Variants in NWD2 observed in about 807,000 individuals in gnomAD.
The protein encoded by NWD2 is NACHT and WD repeat domain-containing protein 2.
NWD2 carries 37 observed loss-of-function variants against 132.7 expected under a neutral mutation model. That is an observed-to-expected ratio of 0.28 (90% confidence interval 0.21 to 0.37). The LOEUF (loss-of-function observed/expected upper bound fraction) is 0.37. NWD2 is among the 10% of genes least tolerant of loss of function. NWD2 has a pLI of 1.00. For synonymous variants in NWD2, 705 were observed against 803.0 expected, an observed-to-expected ratio of 0.88 and a Z score of 2.06; for missense variants, 1,592 against 2,122.4, an observed-to-expected ratio of 0.75 and a Z score of 4.91.
chr4:37,372,945 C>T (rs559396628), intron 3 of NWD2, among the ~76,000 whole-genome samples: 3 of 152,276 alleles, frequency 2.0e-5, no homozygotes, highest in South Asian at 4.1e-4. Flanking sequence ...CTCCCAGCTT[C>T]GTATTGAACT....
At chr4:37,273,259 G>C (rs1897967) in intron 1 of NWD2, among the ~76,000 whole-genome samples, 26,517 of 151,338 alleles carry the variant, frequency 0.18, 2,671 homozygotes, top group South Asian at 0.32. Flanking sequence ...GATAAGAAGT[G>C]AGCCCTTCAG....
intron 3 of NWD2, among the ~76,000 whole-genome samples, chr4:37,372,616 A>G (rs1238818030): frequency 1.3e-5 from 2 of 152,208 alleles, no homozygotes; most frequent in African/African-American, 4.8e-5. Context: ...TAGTAACTCA[A>G]CGTTTTAATA....
At chr4:37,252,480 C>T (rs1411916462) in intron 1 of NWD2, among the ~76,000 whole-genome samples, 2 of 152,160 alleles carry the variant, frequency 1.3e-5, no homozygotes, top group Non-Finnish European at 2.9e-5. Context: ...TTATCTATTG[C>T]TATGTATCTA....
intron 2 of NWD2, among the ~76,000 whole-genome samples, chr4:37,347,707 A>G (rs1719663562): frequency 6.6e-6 from 1 of 152,190 alleles, no homozygotes; most frequent in Non-Finnish European, 1.5e-5. Context: ...TGTTATAATT[A>G]TTACTTTATA....
chr4:37,255,629 T>C (rs776483748), intron 1 of NWD2, among the ~76,000 whole-genome samples: 75 of 152,218 alleles, frequency 4.9e-4, no homozygotes, highest in Admixed American at 4.6e-4. Flanking sequence ...CTTTCTGAAG[T>C]GGGGACTTGT....
intron 2 of NWD2, among the ~76,000 whole-genome samples, chr4:37,339,950 GGTT>G (rs1350378396): frequency 6.8e-6 from 1 of 147,424 alleles, no homozygotes; most frequent in East Asian, 2.0e-4. Flanking sequence ...TTCTGTTTCT[GGTT>G]GTTTTTTTTT....
At chr4:37,281,609 G>A (rs903770202) in intron 1 of NWD2, among the ~76,000 whole-genome samples, 5 of 151,952 alleles carry the variant, frequency 3.3e-5, no homozygotes, top group Admixed American at 6.6e-5. Context: ...TGTGAGATTC[G>A]TCCTGTTAGC....
chr4:37,377,364 A>G (rs1577683993), intron 3 of NWD2, among the ~76,000 whole-genome samples: 1 of 152,326 alleles, frequency 6.6e-6, no homozygotes, highest in East Asian at 1.9e-4. Context: ...TTCACTCATA[A>G]GGTTTTATGA....
At chr4:37,246,508 G>A (rs940289099) in intron 1 of NWD2, among the ~76,000 whole-genome samples, 7 of 152,258 alleles carry the variant, frequency 4.6e-5, no homozygotes, top group Admixed American at 4.6e-4. Flanking sequence ...ACTTAAGGAG[G>A]CTTTTAGGAT....
At chr4:37,415,734 C>G (rs1711578972) in intron 3 of NWD2, among the ~76,000 whole-genome samples, 1 of 148,788 alleles carries the variant, frequency 6.7e-6, no homozygotes, top group Non-Finnish European at 1.5e-5. Context: ...GCAAAAGATA[C>G]TTAATATCCA....
In NWD2 at chr4:37,446,358, G is replaced by C. The variant is rs1712635309; in HGVS notation, c.4370G>C (p.Ser1457Thr). Reference protein sequence around the residue: ...ANTFVVGMTKSKVLAVSLWTG... With the variant: ...ANTFVVGMTKTKVLAVSLWTG... ...ACCTTCGTGGTGGGAATGACTAAAA[G>C]CAAAGTGTTGGCAGTCAGTCTTTGG... The change falls in exon 7 of 7, where the codon AGC becomes ACC. Residue 1457 changes from serine to threonine, a missense_variant. By Grantham distance (58) the Ser-to-Thr change is moderately conservative. Transcript: ENST00000309447. The surrounding 1 kb of genome is among the most constrained non-coding windows in gnomAD (Gnocchi z 6.7). 6.4e-7 allele frequency: 1 copy of C among 1,551,744 alleles called. No individual in the cohort carries two copies. Among genetic ancestry groups the C allele is most frequent in the Non-Finnish European group, 8.7e-7 (1 of 1,147,048 alleles).
intron 3 of NWD2, among the ~76,000 whole-genome samples, chr4:37,424,989 G>A (rs1711953107): frequency 6.6e-6 from 1 of 152,174 alleles, no homozygotes; most frequent in Non-Finnish European, 1.5e-5. Context: ...AAAATCAATT[G>A]AGAGGAGGGA....
Position 37,445,412 on chromosome 4 carries a change from G to C in NWD2, c.3424G>C (p.Gly1142Arg). ...KLCTVTSEFS[G>R]GFVKFLLILD... ...ATGTACAGTGACATCAGAATTTTCAGGTGGATTTGTGAAGTTTCTTCTTAT... is the reference window on the plus strand; with the variant it reads ...ATGTACAGTGACATCAGAATTTTCACGTGGATTTGTGAAGTTTCTTCTTAT... Residue 1142 changes from glycine to arginine, a missense_variant, in exon 7 of 7, where the codon GGT becomes CGT. By Grantham distance (125) the Gly-to-Arg change is moderately radical. This residue lies in a region of NWD2 where 1,071 missense variants were observed against 1,398.0 expected (regional missense o/e 0.77). Coordinates refer to ENST00000309447, the MANE Select transcript of NWD2 (RefSeq NM_001144990.2). This position sits in a 1 kb window ranked among gnomAD's most constrained non-coding sequence, Gnocchi z 4.7. The C allele has an allele frequency of 6.4e-7, 1 of 1,551,964 alleles. No individual in the cohort carries two copies. The highest frequency in any genetic ancestry group is 8.7e-7 in the Non-Finnish European group (1 of 1,147,044).
At position 37,446,711 on chromosome 4, in the gene NWD2, G is replaced by A. The variant is rs1279549016; in HGVS notation, c.4723G>A (p.Asp1575Asn). 6 of 1,551,184 alleles carry A rather than the reference G, an allele frequency of 3.9e-6. No individual in the cohort carries two copies. Among genetic ancestry groups the A allele is most frequent in the Non-Finnish European group, 8.7e-7 (1 of 1,146,918 alleles). ...GIIWRQRLSR[D>N]GRYLVYICFR... Reference sequence around the variant, plus strand: ...CATCTGGCGGCAGAGGTTGTCTCGGGATGGTCGCTACCTGGTATACATTTG... The same window carrying A: ...CATCTGGCGGCAGAGGTTGTCTCGGAATGGTCGCTACCTGGTATACATTTG... Residue 1575 changes from aspartate to asparagine, a missense_variant, in exon 7 of 7, where the codon GAT becomes AAT. Physicochemically the swap from Asp to Asn is conservative, Grantham distance 23. Coordinates refer to ENST00000309447, the MANE Select transcript of NWD2 (RefSeq NM_001144990.2). This position sits in a 1 kb window ranked among gnomAD's most constrained non-coding sequence, Gnocchi z 6.7.
intron 4 of NWD2, among the ~76,000 whole-genome samples, chr4:37,431,459 A>C (rs1389332511): frequency 6.6e-6 from 1 of 152,232 alleles, no homozygotes; most frequent in African/African-American, 2.4e-5. Flanking sequence ...TACATATGGA[A>C]TCTAAAAACG....
intron 3 of NWD2, among the ~76,000 whole-genome samples, chr4:37,381,415 G>A (rs112253666): frequency 1.2e-4 from 18 of 152,148 alleles, no homozygotes; most frequent in African/African-American, 3.9e-4. Context: ...TTCTCTCAGC[G>A]TCACTGGGAT....
At chr4:37,305,678 G>T in intron 1 of NWD2, among the ~76,000 whole-genome samples, 1 of 152,104 alleles carries the variant, frequency 6.6e-6, no homozygotes, top group Non-Finnish European at 1.5e-5. Flanking sequence ...ATAAATCCTA[G>T]TTGACTGTGG....
intron 3 of NWD2, among the ~76,000 whole-genome samples, chr4:37,405,101 C>T (rs1720970526): frequency 6.6e-6 from 1 of 152,128 alleles, no homozygotes; most frequent in African/African-American, 2.4e-5. Flanking sequence ...AATCGATGAA[C>T]AAATAAATGA....
chr4:37,318,498 T>C (rs1466210284), intron 1 of NWD2, among the ~76,000 whole-genome samples: 3 of 152,142 alleles, frequency 2.0e-5, no homozygotes, highest in Non-Finnish European at 2.9e-5. Flanking sequence ...CTGGGTATAT[T>C]TCATGATGCT....
Sources: allele counts gnomAD v4.1 joint callset (sites outside exome capture counted in the v4.1 genomes callset), GRCh38; gene constraint gnomAD v4.1.1; regional missense constraint gnomAD v4.1.1; non-coding constraint Gnocchi (gnomAD v3.1); transcripts MANE v1.5; gene names NCBI Gene and HGNC (gene_info 2026-07-23, HGNC 2026-07-21).